The following BANK1 variants were observed in gnomAD, a reference collection of about 807,000 sequenced individuals.
BANK1 encodes B cell scaffold protein with ankyrin repeats 1.
Under a neutral mutation model 94.5 loss-of-function variants are expected in BANK1, and 95 were observed. The observed-to-expected ratio is 1.00, with a 90% CI of 0.85 to 1.19. BANK1 has a LOEUF of 1.19. Ranked by LOEUF, BANK1 falls within the 50% of genes most tolerant of loss-of-function variation. BANK1 has a pLI of 0.00. For synonymous variants in BANK1, 334 were observed against 308.4 expected, an observed-to-expected ratio of 1.08 and a Z score of -0.87; for missense variants, 987 against 932.2, an observed-to-expected ratio of 1.06 and a Z score of -0.77.
At chr4:101,886,494 T>G (rs1331022347) in intron 5 of BANK1, among the ~76,000 whole-genome samples, 5 of 152,214 alleles carry the variant, frequency 3.3e-5, no homozygotes, top group African/African-American at 4.8e-5. Flanking sequence ...GAAAGCATTT[T>G]TGAGAGACAT....
At chr4:102,030,380 T>C (rs1727255845) in intron 10 of BANK1, 115 bp downstream of exon 10, 1 of 1,112,916 alleles carries the variant, frequency 9.0e-7, no homozygotes, top group Non-Finnish European at 1.3e-6. Context: ...GAGTAAACAT[T>C]TTTTTTCAAG....
chr4:102,009,769 G>A (rs956901443), intron 7 of BANK1, among the ~76,000 whole-genome samples: 4 of 151,930 alleles, frequency 2.6e-5, no homozygotes, highest in Non-Finnish European at 4.4e-5. Context: ...AACTTAGATC[G>A]GTGACTGGTA....
chr4:102,045,301 G>A (rs1208017475), intron 11 of BANK1, among the ~76,000 whole-genome samples: 1 of 152,016 alleles, frequency 6.6e-6, no homozygotes, highest in African/African-American at 2.4e-5. Context: ...AAAATAATAA[G>A]AGCGTATCTA....
At chr4:101,813,923 C>A in intron 1 of BANK1, 1 of 983,548 alleles carries the variant, frequency 1.0e-6, no homozygotes, top group Non-Finnish European at 1.2e-6. Flanking sequence ...AGAAATTCAG[C>A]CTATTCTTTG....
In BANK1 at chr4:101,790,848, C is replaced by G; in HGVS notation, c.-33C>G. 9 of 1,532,636 alleles carry G rather than the reference C, an allele frequency of 5.9e-6. No homozygotes were observed. The highest frequency in any genetic ancestry group is 7.0e-6 in the Non-Finnish European group (8 of 1,142,826). 94.9% of individuals were successfully genotyped at this position (1,532,636 alleles called of 1,614,324 possible). On this transcript the variant is annotated 5_prime_UTR_variant, in exon 1 of 17. Transcript: ENST00000322953. ...AGTCCAGGTAGCGCTCGGCGGGCAG[C>G]AGTGCGCAGGCCCCTCGGCTTCAAC... is the stretch of plus-strand genomic sequence containing the variant.
chr4:101,877,538 A>G (rs1467522119), intron 5 of BANK1, among the ~76,000 whole-genome samples: 1 of 152,210 alleles, frequency 6.6e-6, no homozygotes, highest in Admixed American at 6.5e-5. Flanking sequence ...GCAGGGGATG[A>G]ACTTAAGGTG....
chr4:101,906,915 C>T (rs926072506), intron 6 of BANK1, among the ~76,000 whole-genome samples: 2 of 152,202 alleles, frequency 1.3e-5, no homozygotes, highest in African/African-American at 4.8e-5. Flanking sequence ...ATTAAAGATG[C>T]ACCCACAGAA....
rs745334771 is a variant in BANK1, at chr4:102,030,177, G to A, written c.1812G>A (p.Arg604=). The A allele has an allele frequency of 3.1e-6, 5 of 1,614,028 alleles. No individual in the cohort carries two copies. Among genetic ancestry groups the A allele is most frequent in the African/African-American group, 2.7e-5 (2 of 75,014 alleles). ...GTATAAAGAAAAAAACTGGGAGTCGGTCTTTCATTATAAATAGACCTCCTG... is the reference window on the plus strand; with the variant it reads ...GTATAAAGAAAAAAACTGGGAGTCGATCTTTCATTATAAATAGACCTCCTG... The part of the protein sequence containing the change: ...NLSIKKKTGS[R]SFIINRPPAP... The change falls in exon 10 of 17, where the codon CGG becomes CGA. Residue 604 remains arginine (R), a synonymous_variant. Transcript: ENST00000322953.
In BANK1 at chr4:101,790,783, C is replaced by G; in HGVS notation, c.-98C>G. ...CAAGCGGGCTGGGGAGAGCCGAGGG[C>G]CAAAGGAAGAGAAAATCGCGGGGAG... On this transcript the variant is annotated 5_prime_UTR_variant, in exon 1 of 17. Coordinates refer to ENST00000322953, the MANE Select transcript of BANK1 (RefSeq NM_017935.5). 1.5e-6 allele frequency: 2 copies of G among 1,325,824 alleles called. No homozygotes were observed. Among genetic ancestry groups the G allele is most frequent in the Non-Finnish European group, 2.1e-6 (2 of 957,188 alleles). The allele number at this position is 1,325,824 out of a possible 1,614,324, so 82.1% of individuals were successfully genotyped here.
At chr4:101,923,263 C>T (rs892708144) in intron 7 of BANK1, among the ~76,000 whole-genome samples, 1 of 151,766 alleles carries the variant, frequency 6.6e-6, no homozygotes, top group African/African-American at 2.4e-5. Flanking sequence ...TAATCTCTCT[C>T]ATTATACTGA....
intron 2 of BANK1, 148 bp downstream of exon 2, chr4:101,830,354 C>T (rs1726570660): frequency 1.7e-6 from 1 of 600,158 alleles, no homozygotes; most frequent in Non-Finnish European, 2.6e-6. Context: ...GTATGTTGTA[C>T]TGTCCACAAA....
chr4:101,946,416 G>A (rs1264869028), intron 7 of BANK1, among the ~76,000 whole-genome samples: 3 of 151,850 alleles, frequency 2.0e-5, no homozygotes, highest in Non-Finnish European at 4.4e-5. Flanking sequence ...TATTAAAGCC[G>A]AGCAGAGAAA....
chr4:101,857,428 G>T (rs1727717118), intron 3 of BANK1, among the ~76,000 whole-genome samples: 1 of 152,184 alleles, frequency 6.6e-6, no homozygotes, highest in Non-Finnish European at 1.5e-5. Context: ...TCCTGCTGCT[G>T]CCTCTTGCTG....
At chr4:101,912,744 T>C (rs1197409782) in intron 6 of BANK1, among the ~76,000 whole-genome samples, 1 of 151,724 alleles carries the variant, frequency 6.6e-6, no homozygotes, top group African/African-American at 2.4e-5. Flanking sequence ...ATTTTGTCCC[T>C]ATAATACATA....
At chr4:101,882,905 C>T (rs1407044712) in intron 5 of BANK1, among the ~76,000 whole-genome samples, 1 of 152,108 alleles carries the variant, frequency 6.6e-6, no homozygotes, top group Non-Finnish European at 1.5e-5. Context: ...AGAAGCAAAT[C>T]GTCCAAGTTC....
chr4:102,035,423 C>A (rs929687694), intron 10 of BANK1, among the ~76,000 whole-genome samples: 1 of 151,816 alleles, frequency 6.6e-6, no homozygotes, highest in Non-Finnish European at 1.5e-5. Flanking sequence ...CCGAGGCGGG[C>A]GGATCACGAG....
chr4:102,053,331 C>A (rs912670232), intron 11 of BANK1, among the ~76,000 whole-genome samples: 6 of 152,046 alleles, frequency 3.9e-5, no homozygotes, highest in African/African-American at 1.4e-4. Context: ...AGCACCCTAG[C>A]AAATCTTTTT....
intron 6 of BANK1, among the ~76,000 whole-genome samples, chr4:101,905,343 G>A (rs1311810168): frequency 6.6e-6 from 1 of 152,160 alleles, no homozygotes; most frequent in African/African-American, 2.4e-5. Flanking sequence ...ACTACCAGCT[G>A]TGGTGGGGGA....
intron 7 of BANK1, among the ~76,000 whole-genome samples, chr4:101,931,562 G>A (rs56773063): frequency 8.0e-4 from 121 of 151,514 alleles, no homozygotes; most frequent in African/African-American, 2.8e-3. Flanking sequence ...GGGGACTTAC[G>A]AGTCTCCATA....
Sources: allele counts gnomAD v4.1 joint callset (sites outside exome capture counted in the v4.1 genomes callset), GRCh38; gene constraint gnomAD v4.1.1; transcripts MANE v1.5; gene names NCBI Gene and HGNC (gene_info 2026-07-23, HGNC 2026-07-21).